KCNB2: variants seen among roughly 807,000 people sequenced by gnomAD.
KCNB2 encodes delayed rectifier potassium channel protein.
Under a neutral mutation model 61.5 loss-of-function variants are expected in KCNB2, and 15 were observed. The observed-to-expected ratio is 0.24, with a 90% confidence interval of 0.16 to 0.38. The LOEUF is 0.38. Among genes scored for constraint, KCNB2 ranks in the 10% least tolerant of loss-of-function variants. KCNB2 has a pLI of 1.00. For synonymous variants in KCNB2, 457 were observed against 446.0 expected, an observed-to-expected ratio of 1.02 and a Z score of -0.31; for missense variants, 828 against 1,125.2, an observed-to-expected ratio of 0.74 and a Z score of 3.78.
intron 2 of KCNB2, among the ~76,000 whole-genome samples, chr8:72,729,651 A>G (rs998394225): frequency 1.3e-5 from 2 of 152,222 alleles, no homozygotes; most frequent in African/African-American, 4.8e-5. Flanking sequence ...TGGGAGGCCA[A>G]CACGGGTGGA....
chr8:72,603,218 A>G (rs561553488), intron 2 of KCNB2, among the ~76,000 whole-genome samples: 4 of 152,258 alleles, frequency 2.6e-5, no homozygotes, highest in Non-Finnish European at 4.4e-5. Context: ...GCGAAGTCCA[A>G]TAGCCTTAGC....
chr8:72,773,360 C>G (rs1231559099), intron 2 of KCNB2, among the ~76,000 whole-genome samples: 1 of 152,192 alleles, frequency 6.6e-6, no homozygotes, highest in Non-Finnish European at 1.5e-5. Flanking sequence ...AAAGCAGACT[C>G]TAATCCAGTC....
chr8:72,893,219 A>T (rs1259354622), intron 2 of KCNB2, among the ~76,000 whole-genome samples: 1 of 152,210 alleles, frequency 6.6e-6, no homozygotes, highest in Non-Finnish European at 1.5e-5. Flanking sequence ...TTATTAAAAA[A>T]AAATCACACT....
intron 2 of KCNB2, among the ~76,000 whole-genome samples, chr8:72,646,152 A>G (rs1166857252): frequency 6.6e-6 from 1 of 152,126 alleles, no homozygotes; most frequent in Non-Finnish European, 1.5e-5. Context: ...ACATATATAC[A>G]TATATGCTGA....
chr8:72,772,154 G>A lies in KCNB2; in HGVS notation c.580-163781G>A, dbSNP rs138904423. 9.3e-3 allele frequency among the ~76,000 whole-genome samples: 1,410 copies of A among 152,260 alleles called. 15 individuals are homozygous for A. Among genetic ancestry groups the A allele is most frequent in the Middle Eastern group, 0.082 (24 of 294 alleles). ...AAGGCAGAGCAGTCTAAGTTGCAAGGCTGATTCTTCAGCCAGAGGCATTGG... is the reference window on the plus strand; with the variant it reads ...AAGGCAGAGCAGTCTAAGTTGCAAGACTGATTCTTCAGCCAGAGGCATTGG... On this transcript the variant is annotated intron_variant, in intron 2 of 2. Coordinates refer to ENST00000523207, the MANE Select transcript of KCNB2 (RefSeq NM_004770.3).
intron 2 of KCNB2, among the ~76,000 whole-genome samples, chr8:72,859,075 T>C (rs1287577297): frequency 2.0e-5 from 3 of 152,182 alleles, no homozygotes; most frequent in African/African-American, 7.2e-5. Flanking sequence ...TCACAATTAA[T>C]GCCTCCAATT....
chr8:72,864,980 C>T (rs1805492350), intron 2 of KCNB2, among the ~76,000 whole-genome samples: 1 of 152,148 alleles, frequency 6.6e-6, no homozygotes, highest in Non-Finnish European at 1.5e-5. Context: ...TCTCCCCCAA[C>T]CTCCTGCTGG....
chr8:72,714,797 T>A (rs1807398214), intron 2 of KCNB2, among the ~76,000 whole-genome samples: 1 of 152,110 alleles, frequency 6.6e-6, no homozygotes, highest in South Asian at 2.1e-4. Flanking sequence ...CAGGATCAAA[T>A]TCACACATAA....
chr8:72,808,694 A>G (rs1051963900), intron 2 of KCNB2, among the ~76,000 whole-genome samples: 17 of 152,292 alleles, frequency 1.1e-4, no homozygotes, highest in Admixed American at 1.1e-3. Flanking sequence ...AAGAAAATAG[A>G]CAAAGATCCC....
At chr8:72,578,139 C>T (rs2128980012) in intron 2 of KCNB2, among the ~76,000 whole-genome samples, 1 of 152,280 alleles carries the variant, frequency 6.6e-6, no homozygotes, top group South Asian at 2.1e-4. Context: ...AGAACAGCAA[C>T]AGAGTCATGC....
chr8:72,890,190 T>C (rs1805873470), intron 2 of KCNB2, among the ~76,000 whole-genome samples: 1 of 152,196 alleles, frequency 6.6e-6, no homozygotes, highest in Non-Finnish European at 1.5e-5. Flanking sequence ...ATGATTCATC[T>C]ACCTAAATAC....
intron 2 of KCNB2, among the ~76,000 whole-genome samples, chr8:72,820,491 A>G (rs1196022156): frequency 6.6e-6 from 1 of 152,162 alleles, no homozygotes; most frequent in African/African-American, 2.4e-5. Context: ...ACTGCAAAAC[A>G]GATAGATAAT....
At chr8:72,561,561 G>T in intron 1 of KCNB2, among the ~76,000 whole-genome samples, 1 of 150,126 alleles carries the variant, frequency 6.7e-6, no homozygotes, top group East Asian at 1.9e-4. Context: ...GTTATTTCTA[G>T]AACTTTATGT....
chr8:72,746,148 T>C (rs1808060786), intron 2 of KCNB2, among the ~76,000 whole-genome samples: 1 of 152,180 alleles, frequency 6.6e-6, no homozygotes. Context: ...TATAAAGTAC[T>C]ACAGATTTTT....
At chr8:72,773,578 T>C (rs1808598228) in intron 2 of KCNB2, among the ~76,000 whole-genome samples, 4 of 152,204 alleles carry the variant, frequency 2.6e-5, no homozygotes, top group Admixed American at 6.5e-5. Flanking sequence ...CAGATTATTT[T>C]TGGTGTGGGA....
chr8:72,860,168 G>A (rs914708085), intron 2 of KCNB2, among the ~76,000 whole-genome samples: 7 of 152,026 alleles, frequency 4.6e-5, no homozygotes, highest in Admixed American at 1.3e-4. Flanking sequence ...TTTTTGTCTG[G>A]ACATATGTTT....
At chr8:72,859,315 T>A (rs865945440) in intron 2 of KCNB2, among the ~76,000 whole-genome samples, 3 of 152,318 alleles carry the variant, frequency 2.0e-5, no homozygotes, top group Middle Eastern at 3.4e-3. Flanking sequence ...CAGTGTCCTA[T>A]AAGTTATCAA....
rs563763403 is a variant in KCNB2, at chr8:72,712,769, C to T, written c.579+144456C>T. Among the ~76,000 whole-genome samples the T allele has an allele frequency of 2.6e-5, 4 of 152,290 alleles. No homozygotes were observed. In the South Asian group the frequency reaches 8.3e-4, roughly 32 times the overall value. ...AGACAGGTGATTTCTGCATTTCCAA[C>T]TGAGGTACTGGGTTCATCTCACTGA... On this transcript the variant is annotated intron_variant, in intron 2 of 2. Transcript: ENST00000523207.
At chr8:72,552,098 G>A (rs905185386) in intron 1 of KCNB2, among the ~76,000 whole-genome samples, 3 of 152,224 alleles carry the variant, frequency 2.0e-5, no homozygotes, top group Non-Finnish European at 4.4e-5. Context: ...GACCAAGATG[G>A]TCCTAAAACC....
Sources: gnomAD v4.1 joint callset for allele counts (sites outside exome capture counted in the v4.1 genomes callset) on GRCh38, gnomAD v4.1.1 for gene constraint, MANE v1.5 for transcripts, NCBI Gene and HGNC (gene_info 2026-07-23, HGNC 2026-07-21) for gene names.